The following CNTNAP2 variants were observed in gnomAD, a reference collection of about 807,000 sequenced individuals.
CNTNAP2 encodes contactin-associated protein-like 2.
A neutral mutation model predicts 155.2 loss-of-function variants in CNTNAP2; 98 were observed. The ratio of observed to expected loss-of-function variants is 0.63; its 90% confidence interval spans 0.54 to 0.75. The LOEUF (loss-of-function observed/expected upper bound fraction) is 0.75. Ranked by LOEUF, CNTNAP2 falls within the 30% of genes least tolerant of loss-of-function variation. The pLI, the probability that CNTNAP2 is intolerant of heterozygous loss-of-function variation, is 0.00. For missense variants in CNTNAP2, 1,727 were observed against 1,688.1 expected, an observed-to-expected ratio of 1.02 and a Z score of -0.40; for synonymous variants, 651 against 631.2, an observed-to-expected ratio of 1.03 and a Z score of -0.47.
intron 16 of CNTNAP2, among the ~76,000 whole-genome samples, chr7:148,142,353 T>C (rs1805092082): frequency 6.6e-6 from 1 of 152,044 alleles, no homozygotes; most frequent in Admixed American, 6.6e-5. Flanking sequence ...GTTAAATAAA[T>C]CCTTTTATCT....
intron 3 of CNTNAP2, among the ~76,000 whole-genome samples, chr7:146,865,168 C>T (rs927464338): frequency 6.6e-5 from 10 of 151,764 alleles, no homozygotes; most frequent in Non-Finnish European, 1.3e-4. Flanking sequence ...AAAAATTATA[C>T]TGACATTCTT....
chr7:147,115,192 T>C (rs890849373), intron 5 of CNTNAP2, among the ~76,000 whole-genome samples: 1 of 152,248 alleles, frequency 6.6e-6, no homozygotes, highest in Non-Finnish European at 1.5e-5. Flanking sequence ...TTTAGTCAGA[T>C]GGGCTTCCCT....
intron 12 of CNTNAP2, among the ~76,000 whole-genome samples, chr7:147,579,853 T>C (rs999719112): frequency 2.6e-4 from 39 of 152,280 alleles, no homozygotes; most frequent in African/African-American, 9.4e-4. Flanking sequence ...TACATACACT[T>C]GGGAAATTCT....
intron 8 of CNTNAP2, among the ~76,000 whole-genome samples, chr7:147,160,241 C>A (rs553562131): frequency 2.0e-5 from 3 of 151,976 alleles, no homozygotes; most frequent in African/African-American, 4.8e-5. Flanking sequence ...CAGAACCATA[C>A]GTGATGTTAG....
rs540624651 is a variant in CNTNAP2, at chr7:147,851,822, A to G, written c.2099-51743A>G. On this transcript the variant is annotated intron_variant, in intron 13 of 23. Transcript: ENST00000361727. The stretch of plus-strand genomic sequence containing the variant: ...TATACCTAATGTAAATGACGAGTTA[A>G]TGGGTGCAGCACACCAACATGGCAC... Among the ~76,000 whole-genome samples, 410 of 152,044 alleles carry G rather than the reference A, an allele frequency of 2.7e-3. 2 individuals carry two copies. Among genetic ancestry groups the G allele is most frequent in the Middle Eastern group, 0.014 (4 of 292 alleles).
In CNTNAP2 at chr7:147,123,089, T is replaced by A. The variant is rs113742970; in HGVS notation, c.939+1926T>A. On this transcript the variant is annotated intron_variant, in intron 6 of 23. Transcript: ENST00000361727. ...AGACTTTATTAACATTAAATGAATTTAAGATTATTGGAAAGTATTTTATCC... is the reference window on the plus strand; with the variant it reads ...AGACTTTATTAACATTAAATGAATTAAAGATTATTGGAAAGTATTTTATCC... Among the ~76,000 whole-genome samples, 1,017 of 152,216 alleles carry A rather than the reference T, an allele frequency of 6.7e-3. 15 individuals are homozygous for A. The highest frequency in any genetic ancestry group is 0.023 in the African/African-American group (969 of 41,546).
intron 15 of CNTNAP2, among the ~76,000 whole-genome samples, chr7:148,001,562 T>A (rs1469646989): frequency 6.6e-6 from 1 of 152,228 alleles, no homozygotes; most frequent in Non-Finnish European, 1.5e-5. Flanking sequence ...AATCACAGAA[T>A]GACATTACAT....
At chr7:147,046,304 G>A (rs1000792143) in intron 4 of CNTNAP2, among the ~76,000 whole-genome samples, 5 of 151,550 alleles carry the variant, frequency 3.3e-5, no homozygotes, top group African/African-American at 1.2e-4. Context: ...AAATTCACCT[G>A]ATTTGTATCA....
chr7:147,938,665 A>AT (rs1308194917), intron 14 of CNTNAP2, among the ~76,000 whole-genome samples: 4 of 152,036 alleles, frequency 2.6e-5, no homozygotes, highest in Admixed American at 6.6e-5. Flanking sequence ...GTAAAGCAGG[A>AT]TTTTTTTTAA....
At chr7:147,736,809 T>C (rs1172142834) in intron 13 of CNTNAP2, among the ~76,000 whole-genome samples, 1 of 152,228 alleles carries the variant, frequency 6.6e-6, no homozygotes, top group East Asian at 1.9e-4. Flanking sequence ...TCCAGTTGAT[T>C]GAATCGGCTA....
intron 13 of CNTNAP2, among the ~76,000 whole-genome samples, chr7:147,745,026 G>A (rs77492949): frequency 0.21 from 32,301 of 151,928 alleles, 3,617 homozygotes; most frequent in Middle Eastern, 0.39. Context: ...ACCTACATAA[G>A]TTAACATAAA....
chr7:147,508,479 A>G (rs1798955105), intron 11 of CNTNAP2, among the ~76,000 whole-genome samples: 2 of 152,200 alleles, frequency 1.3e-5, no homozygotes, highest in South Asian at 4.1e-4. Context: ...GAATAACAGC[A>G]AAAACCTTGC....
intron 13 of CNTNAP2, among the ~76,000 whole-genome samples, chr7:147,701,579 T>C (rs957548419): frequency 6.6e-6 from 1 of 152,218 alleles, no homozygotes; most frequent in Non-Finnish European, 1.5e-5. Flanking sequence ...ACGGCTTTTT[T>C]CATAATTTCC....
At chr7:148,007,367 G>A (rs906466562) in intron 15 of CNTNAP2, among the ~76,000 whole-genome samples, 13 of 152,254 alleles carry the variant, frequency 8.5e-5, no homozygotes, top group Middle Eastern at 3.4e-3. Flanking sequence ...TATGTAGGAA[G>A]TAAGCTATTC....
At chr7:146,699,861 G>A (rs943199039) in intron 1 of CNTNAP2, among the ~76,000 whole-genome samples, 3 of 152,030 alleles carry the variant, frequency 2.0e-5, no homozygotes, top group Non-Finnish European at 2.9e-5. Flanking sequence ...TCAGCGACTC[G>A]GAAGGCTGAG....
At chr7:147,611,603 T>C (rs551860131) in intron 12 of CNTNAP2, among the ~76,000 whole-genome samples, 5 of 152,358 alleles carry the variant, frequency 3.3e-5, no homozygotes, top group African/African-American at 9.6e-5. Flanking sequence ...TTTATACTTG[T>C]TCACAGTGCT....
At chr7:147,377,662 A>G (rs956312175) in intron 9 of CNTNAP2, among the ~76,000 whole-genome samples, 4 of 151,654 alleles carry the variant, frequency 2.6e-5, no homozygotes, top group Admixed American at 6.6e-5. Flanking sequence ...TAATTTTACC[A>G]TCTTCCCTGT....
chr7:148,155,051 A>G (rs894989821), intron 17 of CNTNAP2, among the ~76,000 whole-genome samples: 19 of 152,176 alleles, frequency 1.2e-4, no homozygotes, highest in African/African-American at 2.9e-4. Context: ...GCTGACTGAG[A>G]CACCCCGGTG....
At chr7:147,887,668 A>G (rs1463137795) in intron 13 of CNTNAP2, among the ~76,000 whole-genome samples, 1 of 152,144 alleles carries the variant, frequency 6.6e-6, no homozygotes, top group African/African-American at 2.4e-5. Flanking sequence ...TTCAGTGGCT[A>G]TATGAGGAAG....
Sources: gnomAD v4.1 joint callset for allele counts (sites outside exome capture counted in the v4.1 genomes callset) on GRCh38, gnomAD v4.1.1 for gene constraint, MANE v1.5 for transcripts, NCBI Gene and HGNC (gene_info 2026-07-23, HGNC 2026-07-21) for gene names.